Variants in DLG2 observed in about 807,000 individuals in gnomAD.
The protein encoded by DLG2 is discs large MAGUK scaffold protein 2.
A neutral mutation model predicts 132.5 loss-of-function variants in DLG2; 45 were observed. That is an observed-to-expected ratio of 0.34 (90% CI 0.27 to 0.44). DLG2 has a LOEUF of 0.44. Ranked by LOEUF, DLG2 falls within the 20% of genes least tolerant of loss-of-function variation. The pLI is 1.00. For synonymous variants in DLG2, 424 were observed against 419.6 expected (o/e 1.01, Z -0.13); for missense variants, 1,045 against 1,196.9 (o/e 0.87, Z 1.87).
intron 3 of DLG2, among the ~76,000 whole-genome samples, chr11:85,416,688 T>C (rs1254919238): frequency 6.6e-6 from 1 of 152,226 alleles, no homozygotes; most frequent in Non-Finnish European, 1.5e-5. Flanking sequence ...CTAGGGATTT[T>C]ATTCTCTTTG....
At chr11:84,851,610 G>A (rs567881797) in intron 6 of DLG2, among the ~76,000 whole-genome samples, 102 of 152,188 alleles carry the variant, frequency 6.7e-4, no homozygotes, top group Non-Finnish European at 1.4e-3. Flanking sequence ...AGAGCAGTAA[G>A]ATGTAAACTC....
At chr11:85,333,615 T>C (rs1349736057) in intron 3 of DLG2, among the ~76,000 whole-genome samples, 1 of 152,150 alleles carries the variant, frequency 6.6e-6, no homozygotes, top group Non-Finnish European at 1.5e-5. Flanking sequence ...TGATGCCTAT[T>C]TGTTAAGGGG....
chr11:85,234,174 A>G (rs377290020), intron 4 of DLG2, among the ~76,000 whole-genome samples: 27 of 152,040 alleles, frequency 1.8e-4, no homozygotes, highest in Middle Eastern at 3.4e-3. Context: ...ATGTTCTATG[A>G]TACAGGAAGG....
At chr11:84,056,993 AG>A (rs1209574952) in intron 11 of DLG2, among the ~76,000 whole-genome samples, 2 of 152,070 alleles carry the variant, frequency 1.3e-5, no homozygotes, top group Admixed American at 6.6e-5. Context: ...TCATCTCAGT[AG>A]ACCAAGCTCA....
chr11:85,506,133 G>A (rs1018624195), intron 3 of DLG2, among the ~76,000 whole-genome samples: 2 of 151,922 alleles, frequency 1.3e-5, no homozygotes, highest in African/African-American at 4.8e-5. Flanking sequence ...AGTCTGGCTA[G>A]TGGTCTATTT....
chr11:84,038,475 T>C (rs1566156009), intron 11 of DLG2, among the ~76,000 whole-genome samples: 1 of 152,070 alleles, frequency 6.6e-6, no homozygotes, highest in Non-Finnish European at 1.5e-5. Context: ...GGAATGGCTA[T>C]TATAAAAACT....
At chr11:84,854,733 A>G (rs1431532551) in intron 6 of DLG2, among the ~76,000 whole-genome samples, 1 of 151,920 alleles carries the variant, frequency 6.6e-6, no homozygotes, top group Non-Finnish European at 1.5e-5. Context: ...ATTCCTCATT[A>G]TCGAGGCAAG....
At chr11:84,752,298 CAAAGT>C (rs1565872497) in intron 6 of DLG2, among the ~76,000 whole-genome samples, 1 of 152,072 alleles carries the variant, frequency 6.6e-6, no homozygotes, top group African/African-American at 2.4e-5. Context: ...GTAAAAAAGA[CAAAGT>C]TCTGCTTTCA....
intron 7 of DLG2, among the ~76,000 whole-genome samples, chr11:84,463,409 A>T (rs1426902319): frequency 6.6e-6 from 1 of 151,080 alleles, no homozygotes; most frequent in Non-Finnish European, 1.5e-5. Context: ...CTATCTCAAG[A>T]AAAGGCCTCT....
At chr11:84,847,517 A>G (rs2081625415) in intron 6 of DLG2, among the ~76,000 whole-genome samples, 1 of 152,146 alleles carries the variant, frequency 6.6e-6, no homozygotes, top group South Asian at 2.1e-4. Flanking sequence ...TCCAGTTTTC[A>G]AGCACAATCT....
At chr11:84,512,906 A>T (rs1420789963) in intron 7 of DLG2, among the ~76,000 whole-genome samples, 1 of 151,760 alleles carries the variant, frequency 6.6e-6, no homozygotes, top group African/African-American at 2.4e-5. Flanking sequence ...CAAACACCTC[A>T]TGTTCCTACT....
At chr11:85,467,692 T>G (rs1224318354) in intron 3 of DLG2, among the ~76,000 whole-genome samples, 2 of 152,214 alleles carry the variant, frequency 1.3e-5, no homozygotes, top group Admixed American at 6.5e-5. Flanking sequence ...CTTTTTGATG[T>G]GCCCCTGAAT....
chr11:83,716,106 T>G (rs1340547808), intron 18 of DLG2, among the ~76,000 whole-genome samples: 1 of 152,230 alleles, frequency 6.6e-6, no homozygotes, highest in African/African-American at 2.4e-5. Flanking sequence ...TAGCAAGTGC[T>G]CAATAAAGAT....
At chr11:84,943,339 T>C (rs973539807) in intron 6 of DLG2, among the ~76,000 whole-genome samples, 1 of 152,092 alleles carries the variant, frequency 6.6e-6, no homozygotes, top group Non-Finnish European at 1.5e-5. Context: ...CTTTCCTTCC[T>C]GCCTTCCTGC....
chr11:83,605,971 C>A lies in DLG2; in HGVS notation c.1940+27240G>T, dbSNP rs575325533. 4.6e-5 allele frequency among the ~76,000 whole-genome samples: 7 copies of A among 152,326 alleles called. No homozygotes were observed. In the South Asian group the frequency reaches 1.5e-3, roughly 32 times the overall value. On this transcript the variant is annotated intron_variant, in intron 19 of 27. Transcript: ENST00000376104. ...ATTTACTTATCTGTGACTTGAGATA[C>A]TAGGAGAAGGGAACATACATTTGTT...
At chr11:83,907,462 A>G (rs1228257564) in intron 15 of DLG2, among the ~76,000 whole-genome samples, 3 of 152,156 alleles carry the variant, frequency 2.0e-5, no homozygotes, top group African/African-American at 7.2e-5. Flanking sequence ...GCATCCCTGG[A>G]GTGAACGAGA....
intron 10 of DLG2, among the ~76,000 whole-genome samples, chr11:84,096,301 G>C (rs1566472838): frequency 6.6e-6 from 1 of 151,938 alleles, no homozygotes; most frequent in Non-Finnish European, 1.5e-5. Context: ...CTGTATCTTA[G>C]CACAATGTCC....
At chr11:84,274,028 G>C (rs774822457) in intron 7 of DLG2, among the ~76,000 whole-genome samples, 10 of 152,062 alleles carry the variant, frequency 6.6e-5, no homozygotes, top group African/African-American at 2.4e-4. Context: ...AAGGAGAATC[G>C]TGTCTTTAAA....
At chr11:85,014,759 T>C (rs1243393428) in intron 6 of DLG2, among the ~76,000 whole-genome samples, 2 of 152,176 alleles carry the variant, frequency 1.3e-5, no homozygotes, top group Admixed American at 6.6e-5. Flanking sequence ...CAAACCTGTA[T>C]TGGTTCTACA....
Sources: gnomAD v4.1 joint callset for allele counts (sites outside exome capture counted in the v4.1 genomes callset) on GRCh38, gnomAD v4.1.1 for gene constraint, MANE v1.5 for transcripts, NCBI Gene and HGNC (gene_info 2026-07-23, HGNC 2026-07-21) for gene names.